The following KIF9 variants were observed in gnomAD, a reference collection of about 807,000 sequenced individuals.
The protein encoded by KIF9 is kinesin-like protein KIF9.
KIF9 carries 68 observed loss-of-function variants against 94.8 expected under a neutral mutation model. The ratio of observed to expected loss-of-function variants is 0.72; its 90% confidence interval spans 0.59 to 0.88. The LOEUF (loss-of-function observed/expected upper bound fraction) is 0.88, where lower values mean the gene tolerates loss of function less well. Ranked by LOEUF, KIF9 falls within the 40% of genes least tolerant of loss-of-function variation. The pLI is 0.00. For synonymous variants in KIF9, 343 were observed against 362.1 expected, an observed-to-expected ratio of 0.95 and a Z score of 0.60; for missense variants, 882 against 982.5, an observed-to-expected ratio of 0.90 and a Z score of 1.37.
chr3:47,263,567 C>T (rs995558390), intron 9 of KIF9: 1 of 247,246 alleles, frequency 4.0e-6, no homozygotes, highest in Non-Finnish European at 8.1e-6. Flanking sequence ...GTGTGGGTCA[C>T]ATCTTCAGTC....
chr3:47,237,662 T>G (rs144341727), intron 17 of KIF9, among the ~76,000 whole-genome samples: 9 of 152,332 alleles, frequency 5.9e-5, no homozygotes, highest in African/African-American at 2.2e-4. Flanking sequence ...GTGTTCTGCA[T>G]GTGACCTGAG....
intron 12 of KIF9, among the ~76,000 whole-genome samples, chr3:47,246,813 G>A (rs1391125153): frequency 6.6e-6 from 1 of 152,164 alleles, no homozygotes; most frequent in Non-Finnish European, 1.5e-5. Flanking sequence ...GCTTCTCGGA[G>A]CTGCCCACAG....
intron 2 of KIF9, 74 bp from the exon 3 acceptor site, chr3:47,275,564 G>A: frequency 8.7e-7 from 1 of 1,151,644 alleles, no homozygotes; most frequent in Non-Finnish European, 1.3e-6. Flanking sequence ...ACTGATAGCT[G>A]AGGCCTAATC....
chr3:47,243,212 AG>A lies in KIF9; in HGVS notation c.1547del (p.Pro516LeufsTer2). On this transcript the variant is annotated frameshift_variant, in exon 16 of 21. Transcript: ENST00000684063. LOFTEE classifies it high-confidence loss of function. The stretch of plus-strand genomic sequence containing the variant: ...CGTAATCCAAGTCCTTCCCATTCAC[AG>A]GGCTGCTGGCACCTTCCTTTCTTGC... ...SLARKEGASS[P>X]VNGKDLDYVS... 1 of 1,612,080 alleles carries A rather than the reference AG, an allele frequency of 6.2e-7. No homozygotes were observed. The highest frequency in any genetic ancestry group is 8.5e-7 in the Non-Finnish European group (1 of 1,178,590).
intron 1 of KIF9, among the ~76,000 whole-genome samples, chr3:47,279,138 G>T (rs1702158628): frequency 1.4e-5 from 2 of 144,684 alleles, no homozygotes; most frequent in East Asian, 2.0e-4. Flanking sequence ...TCCAGCCTAG[G>T]TGACAGAGTG....
At position 47,244,782 on chromosome 3, in the gene KIF9, G is replaced by C; in HGVS notation, c.1514+9C>G. 1 of 1,613,492 alleles carries C rather than the reference G, an allele frequency of 6.2e-7. No individual in the cohort carries two copies. Among genetic ancestry groups the C allele is most frequent in the Non-Finnish European group, 8.5e-7 (1 of 1,179,934 alleles). ...GCTGCTGAGGAGGCAGAGCGGCAAG[G>C]TCACTCACCTGAGTGGCTCTTTGAA... is the stretch of plus-strand genomic sequence containing the variant. On this transcript the variant is annotated intron_variant, in intron 15 of 20. Transcript: ENST00000684063.
rs1202428985 is a variant in KIF9 at position 47,282,619 on chromosome 3, G to A, written c.-130C>T. The stretch of plus-strand genomic sequence containing the variant: ...GCAACGGGTCGCTTCCGGGGATTCC[G>A]GAAGTGTCGGGGTGGCGGAAATGAA... On this transcript the variant is annotated 5_prime_UTR_variant, in exon 1 of 21. Transcript: ENST00000684063. The A allele has an allele frequency of 8.9e-7, 1 of 1,125,028 alleles. No individual in the cohort carries two copies. Among genetic ancestry groups the A allele is most frequent in the Non-Finnish European group, 1.1e-6 (1 of 913,332 alleles). The allele number at this position is 1,125,028 out of a possible 1,614,324, so 69.7% of individuals were successfully genotyped here.
chr3:47,228,855 A>G (rs1239275509), intron 20 of KIF9, among the ~76,000 whole-genome samples, 153 bp from the exon 21 acceptor site: 1 of 152,234 alleles, frequency 6.6e-6, no homozygotes, highest in Non-Finnish European at 1.5e-5. Flanking sequence ...CAATTCTCTG[A>G]GAAATAACAT....
chr3:47,245,279 G>T (rs1173496648), intron 14 of KIF9, 142 bp downstream of exon 14: 12 of 733,506 alleles, frequency 1.6e-5, no homozygotes, highest in Admixed American at 9.7e-5. Context: ...CTTAACACAG[G>T]TCACCTGTGT....
chr3:47,241,884 A>ATATT lies in KIF9; in HGVS notation c.1710-870_1710-869insAATA, dbSNP rs1387311165. Among the ~76,000 whole-genome samples the ATATT allele has an allele frequency of 9.8e-4, 112 of 114,286 alleles. 1 individual carries two copies. The highest frequency in any genetic ancestry group is 4.3e-3 in the Middle Eastern group (1 of 234). The allele number at this position is 114,286 out of a possible 152,430, so 75.0% of individuals were successfully genotyped here. A position where few individuals can be genotyped will look rare whatever the true frequency, so the allele number is the denominator to read the frequency against. ...TATACACATATATATATATATATAT[A>ATATT]TTTTTTTTTTTTTTTCTTTGGAGAC... On this transcript the variant is annotated intron_variant, in intron 16 of 20. Coordinates refer to ENST00000684063, the MANE Select transcript of KIF9 (RefSeq NM_182902.4).
At chr3:47,250,605 C>T (rs1379770485) in intron 10 of KIF9, 1 of 478,568 alleles carries the variant, frequency 2.1e-6, no homozygotes, top group Non-Finnish European at 4.3e-6. Flanking sequence ...ACAATCATCA[C>T]ACTCATGAAC....
chr3:47,244,144 G>T (rs1559431909), intron 15 of KIF9: 1 of 152,388 alleles, frequency 6.6e-6, no homozygotes, highest in East Asian at 1.9e-4. Flanking sequence ...CCATTTTGGA[G>T]ATGCAGAAAC....
chr3:47,229,562 CAT>C (rs1049391545), intron 20 of KIF9, among the ~76,000 whole-genome samples: 1 of 151,968 alleles, frequency 6.6e-6, no homozygotes, highest in Non-Finnish European at 1.5e-5. Flanking sequence ...ATAACTAAAA[CAT>C]AGAATTGAAA....
chr3:47,239,943 G>A (rs150154887), intron 17 of KIF9: 3 of 1,367,240 alleles, frequency 2.2e-6, no homozygotes, highest in African/African-American at 2.9e-5. Flanking sequence ...GACTGAGCCA[G>A]GAGTGTGAAG....
intron 10 of KIF9, among the ~76,000 whole-genome samples, chr3:47,254,332 C>T (rs1245511017): frequency 6.6e-6 from 1 of 152,184 alleles, no homozygotes; most frequent in Non-Finnish European, 1.5e-5. Context: ...ATGGTGTGCG[C>T]CTGTAGTCCC....
At chr3:47,277,200 A>G in intron 2 of KIF9, 82 bp downstream of exon 2, 7 of 1,012,460 alleles carry the variant, frequency 6.9e-6, no homozygotes, top group Non-Finnish European at 1.1e-5. Flanking sequence ...GGTCCTTCAA[A>G]GGTTGCTTGG....
intron 20 of KIF9, among the ~76,000 whole-genome samples, chr3:47,232,980 CAA>C (rs1162797241): frequency 1.0e-4 from 5 of 48,618 alleles, no homozygotes; most frequent in Admixed American, 2.3e-4. Context: ...GACTCCATCT[CAA>C]AAAAAAAAAA....
chr3:47,237,715 G>GA (rs1699139847), intron 17 of KIF9, among the ~76,000 whole-genome samples: 1 of 152,214 alleles, frequency 6.6e-6, no homozygotes, highest in East Asian at 1.9e-4. Flanking sequence ...GGTGCTAGAG[G>GA]AAAGTGTTAG....
At chr3:47,254,647 C>T (rs1188009392) in intron 10 of KIF9, among the ~76,000 whole-genome samples, 1 of 152,026 alleles carries the variant, frequency 6.6e-6, no homozygotes, top group African/African-American at 2.4e-5. Context: ...TTTGCTAAGG[C>T]TATATACAGC....
Sources: gnomAD v4.1 joint callset for allele counts (sites outside exome capture counted in the v4.1 genomes callset) on GRCh38, gnomAD v4.1.1 for gene constraint, MANE v1.5 for transcripts, NCBI Gene and HGNC (gene_info 2026-07-23, HGNC 2026-07-21) for gene names.